Variants in CYP39A1 observed in about 807,000 individuals in gnomAD.
CYP39A1 encodes cytochrome P450 family 39 subfamily A member 1, also known as 24-hydroxycholesterol 7-alpha-hydroxylase.
A neutral mutation model predicts 58.1 loss-of-function variants in CYP39A1; 49 were observed. That is an observed-to-expected ratio of 0.84 (90% CI 0.67 to 1.07). The LOEUF is 1.07. Ranked by LOEUF, CYP39A1 falls within the 50% of genes least tolerant of loss-of-function variation. CYP39A1 has a pLI of 0.00. For missense variants in CYP39A1, 531 were observed against 539.4 expected (o/e 0.98, Z 0.16); for synonymous variants, 209 against 187.6 (o/e 1.11, Z -0.93).
At chr6:46,606,509 T>C (rs1483985813) in intron 7 of CYP39A1, among the ~76,000 whole-genome samples, 3 of 152,172 alleles carry the variant, frequency 2.0e-5, no homozygotes, top group African/African-American at 7.2e-5. Context: ...ATTAGAAGGC[T>C]TCACTTGGAA....
In CYP39A1 at chr6:46,652,661, G is replaced by C; in HGVS notation, c.-79C>G. Reference sequence around the variant, plus strand: ...CCTTGCTTCTTTTCTGTGGGCTACGGAACCTGTCGGGACTCCCAACCTTTC... The same window carrying C: ...CCTTGCTTCTTTTCTGTGGGCTACGCAACCTGTCGGGACTCCCAACCTTTC... On this transcript the variant is annotated 5_prime_UTR_variant, in exon 1 of 12. Coordinates refer to ENST00000275016, the MANE Select transcript of CYP39A1 (RefSeq NM_016593.5). 2 of 1,375,580 alleles carry C rather than the reference G, an allele frequency of 1.5e-6. No homozygotes were observed. The highest frequency in any genetic ancestry group is 2.5e-5 in the Admixed American group (1 of 40,108). The allele number at this position is 1,375,580 out of a possible 1,614,324, so 85.2% of individuals were successfully genotyped here.
intron 7 of CYP39A1, among the ~76,000 whole-genome samples, chr6:46,601,477 T>C (rs1030121667): frequency 2.6e-5 from 4 of 152,118 alleles, no homozygotes; most frequent in African/African-American, 9.7e-5. Flanking sequence ...TCTAGTCCCA[T>C]CTCACACTGA....
intron 7 of CYP39A1, among the ~76,000 whole-genome samples, chr6:46,621,216 T>TCA (rs60261386): frequency 0.19 from 28,928 of 151,948 alleles, 2,922 homozygotes; most frequent in African/African-American, 0.27. Flanking sequence ...CTGAAGAAAC[T>TCA]GTTGCTGGAC....
At chr6:46,624,861 A>G (rs752895850) in intron 7 of CYP39A1, among the ~76,000 whole-genome samples, 14 of 152,200 alleles carry the variant, frequency 9.2e-5, no homozygotes, top group Non-Finnish European at 1.9e-4. Context: ...TGAACTAAAG[A>G]GTTCAAGGCA....
chr6:46,576,720 T>C (rs1304578004), intron 10 of CYP39A1, among the ~76,000 whole-genome samples: 1 of 152,114 alleles, frequency 6.6e-6, no homozygotes, highest in Non-Finnish European at 1.5e-5. Flanking sequence ...GATAACAGAG[T>C]AAACCAAGTT....
intron 7 of CYP39A1, among the ~76,000 whole-genome samples, chr6:46,618,874 A>G (rs893903028): frequency 2.0e-5 from 3 of 152,106 alleles, no homozygotes; most frequent in Admixed American, 2.0e-4. Context: ...AGCCTGGAGC[A>G]TACCTTTGAC....
At chr6:46,606,387 C>A (rs1773845634) in intron 7 of CYP39A1, among the ~76,000 whole-genome samples, 1 of 152,236 alleles carries the variant, frequency 6.6e-6, no homozygotes, top group South Asian at 2.1e-4. Flanking sequence ...TCGAATGATT[C>A]TTTAGTGTAA....
chr6:46,639,008 A>C (rs1288806589), intron 3 of CYP39A1, among the ~76,000 whole-genome samples: 1 of 152,094 alleles, frequency 6.6e-6, no homozygotes, highest in African/African-American at 2.4e-5. Flanking sequence ...GCCCACACTG[A>C]CTTTGCCTGA....
chr6:46,638,384 T>C (rs921409293), intron 3 of CYP39A1, among the ~76,000 whole-genome samples: 1 of 152,168 alleles, frequency 6.6e-6, no homozygotes, highest in Non-Finnish European at 1.5e-5. Context: ...GCAATATTAG[T>C]CACCAAATTC....
intron 5 of CYP39A1, among the ~76,000 whole-genome samples, chr6:46,635,018 C>T (rs923678316): frequency 2.0e-4 from 30 of 152,172 alleles, no homozygotes; most frequent in Non-Finnish European, 1.3e-4. Context: ...CAATGAAGGG[C>T]CTTCCAGTAT....
intron 10 of CYP39A1, among the ~76,000 whole-genome samples, chr6:46,562,719 A>C (rs954876619): frequency 6.6e-6 from 1 of 152,104 alleles, no homozygotes; most frequent in Non-Finnish European, 1.5e-5. Context: ...ATGAATAATA[A>C]AAAATTTCAA....
At chr6:46,599,079 A>G (rs1352627862) in intron 7 of CYP39A1, among the ~76,000 whole-genome samples, 5 of 152,148 alleles carry the variant, frequency 3.3e-5, no homozygotes, top group African/African-American at 1.2e-4. Context: ...CATATGCAAC[A>G]CGAATTGGGG....
At chr6:46,571,958 TAACCTA>T (rs1246089649) in intron 10 of CYP39A1, among the ~76,000 whole-genome samples, 1 of 152,122 alleles carries the variant, frequency 6.6e-6, no homozygotes, top group African/African-American at 2.4e-5. Context: ...CAATATATTT[TAACCTA>T]ATAAAACCAG....
chr6:46,593,471 G>C (rs1203629857), intron 8 of CYP39A1, among the ~76,000 whole-genome samples: 2 of 152,006 alleles, frequency 1.3e-5, no homozygotes, highest in African/African-American at 4.8e-5. Flanking sequence ...TGGTGACAGA[G>C]ACCCTGTCTC....
At chr6:46,636,028 G>A (rs554857559) in intron 5 of CYP39A1, among the ~76,000 whole-genome samples, 14 of 152,282 alleles carry the variant, frequency 9.2e-5, no homozygotes, top group African/African-American at 1.9e-4. Flanking sequence ...AACAACTAAC[G>A]GTAGTGGCAT....
chr6:46,567,528 G>A (rs1460400005), intron 10 of CYP39A1, among the ~76,000 whole-genome samples: 3 of 151,904 alleles, frequency 2.0e-5, no homozygotes, highest in Non-Finnish European at 4.4e-5. Context: ...TTTTTTAAAT[G>A]CTTGAAGAAC....
At chr6:46,643,732 T>C (rs1014254317) in intron 1 of CYP39A1, among the ~76,000 whole-genome samples, 1 of 152,154 alleles carries the variant, frequency 6.6e-6, no homozygotes, top group African/African-American at 2.4e-5. Context: ...AACTGCGGAG[T>C]AAAAGATGGT....
At chr6:46,641,916 T>C (rs1776359478) in intron 2 of CYP39A1, among the ~76,000 whole-genome samples, 1 of 152,140 alleles carries the variant, frequency 6.6e-6, no homozygotes, top group Admixed American at 6.5e-5. Flanking sequence ...AAAGAAAACA[T>C]CAATGAGGTA....
intron 10 of CYP39A1, among the ~76,000 whole-genome samples, chr6:46,564,738 T>C (rs1179842932): frequency 2.6e-5 from 4 of 152,148 alleles, no homozygotes; most frequent in Non-Finnish European, 5.9e-5. Context: ...CTAGAAGTCA[T>C]TGTAGGTAAT....
Sources: allele counts gnomAD v4.1 joint callset (sites outside exome capture counted in the v4.1 genomes callset), GRCh38; gene constraint gnomAD v4.1.1; transcripts MANE v1.5; gene names NCBI Gene and HGNC (gene_info 2026-07-23, HGNC 2026-07-21).